The following LRRK1 variants were observed in gnomAD, a reference collection of about 807,000 sequenced individuals.
The protein encoded by LRRK1 is leucine rich repeat kinase 1, also known as leucine-rich repeat serine/threonine-protein kinase 1.
LRRK1 carries 113 observed loss-of-function variants against 209.1 expected under a neutral mutation model. The ratio of observed to expected loss-of-function variants is 0.54; its 90% confidence interval spans 0.46 to 0.63. The LOEUF (loss-of-function observed/expected upper bound fraction) is 0.63. Ranked by LOEUF, LRRK1 falls within the 30% of genes least tolerant of loss-of-function variation. LRRK1 has a pLI of 0.00. For synonymous variants in LRRK1, 1,144 were observed against 1,099.7 expected (o/e 1.04, Z -0.80); for missense variants, 2,284 against 2,632.2 (o/e 0.87, Z 2.89).
intron 5 of LRRK1, 145 bp from the exon 6 acceptor site, chr15:100,989,105 C>T: frequency 1.3e-6 from 1 of 789,604 alleles, no homozygotes. Flanking sequence ...CTAACAGAAA[C>T]TTGATGCACC....
chr15:101,016,621 T>TG (rs1266840468), intron 12 of LRRK1, among the ~76,000 whole-genome samples: 5 of 152,224 alleles, frequency 3.3e-5, no homozygotes, highest in African/African-American at 9.6e-5. Flanking sequence ...ATGAATTTGG[T>TG]GGGGGGCGGG....
Position 101,070,772 on chromosome 15 carries a change from C to T in LRRK1, c.*1924C>T, listed in dbSNP as rs556596864. On this transcript the variant is annotated 3_prime_UTR_variant, in exon 34 of 34. Coordinates refer to ENST00000388948, the MANE Select transcript of LRRK1 (RefSeq NM_024652.6). ...CACACCAGCTTTCTAGCCTGGGTGA[C>T]AGAGCAAGACCCAACTCTTAAAAAA... 1 of 145,880 alleles carries T rather than the reference C, an allele frequency of 6.9e-6. No homozygotes were observed. Among genetic ancestry groups the T allele is most frequent in the South Asian group, 2.2e-4 (1 of 4,650 alleles). 9.0% of individuals were successfully genotyped at this position (145,880 alleles called of 1,614,324 possible).
At chr15:101,053,519 GC>G in intron 26 of LRRK1, 99 bp downstream of exon 26, 1 of 1,090,880 alleles carries the variant, frequency 9.2e-7, no homozygotes, top group Non-Finnish European at 1.3e-6. Context: ...GCCTTGGCAA[GC>G]CCAGGGCACG....
Position 101,030,721 on chromosome 15 carries a change from C to T in LRRK1, c.2963+1489C>T, listed in dbSNP as rs573644158. On this transcript the variant is annotated intron_variant, in intron 20 of 33. Transcript: ENST00000388948. Reference sequence around the variant, plus strand: ...CAATTCTGTTGACAGCCCCTTTCCTCCTTGTGACACCCATACCTGCTTCTG... The same window carrying T: ...CAATTCTGTTGACAGCCCCTTTCCTTCTTGTGACACCCATACCTGCTTCTG... 5.9e-5 allele frequency among the ~76,000 whole-genome samples: 9 copies of T among 152,302 alleles called. No individual in the cohort carries two copies. In the East Asian group the frequency reaches 1.2e-3, roughly 20 times the overall value.
chr15:101,056,780 TC>T, intron 27 of LRRK1, 75 bp from the exon 28 acceptor site: 1 of 1,155,908 alleles, frequency 8.7e-7, no homozygotes, highest in Non-Finnish European at 1.2e-6. Flanking sequence ...GTCTCCCTGG[TC>T]CCTCCACCTG....
intron 31 of LRRK1, chr15:101,065,054 C>T: frequency 9.1e-6 from 4 of 439,874 alleles, no homozygotes; most frequent in Non-Finnish European, 1.2e-5. Context: ...CTGGCAGAAG[C>T]AGAGGCAGCC....
At chr15:100,947,209 G>A (rs113331925) in intron 2 of LRRK1, among the ~76,000 whole-genome samples, 6,066 of 152,006 alleles carry the variant, frequency 0.04, 388 homozygotes, top group African/African-American at 0.14. Flanking sequence ...CGCCCGCCTC[G>A]GCCTCCCAAA....
chr15:100,953,358 A>G (rs1381101778), intron 2 of LRRK1, among the ~76,000 whole-genome samples: 1 of 152,146 alleles, frequency 6.6e-6, no homozygotes, highest in South Asian at 2.1e-4. Flanking sequence ...AAGATTCCAC[A>G]TATAAGTGAG....
intron 2 of LRRK1, among the ~76,000 whole-genome samples, chr15:100,940,232 T>G (rs2141607993): frequency 6.6e-6 from 1 of 152,344 alleles, no homozygotes; most frequent in African/African-American, 2.4e-5. Context: ...ATTTTGTTGT[T>G]GATCAGTCTT....
In LRRK1 at chr15:101,008,860, T is replaced by C. The variant is rs1289923815; in HGVS notation, c.786T>C (p.His262=). The part of the protein sequence containing the change: ...GKTALRVKWS[H]LRLPWVDLDW... ...AGGCTCTCCGTGTGAAATGGTCCCA[T>C]CTCAGACTGCCCTGGGTAGACCTAG... The change falls in exon 7 of 34, where the codon CAT becomes CAC. Residue 262 remains histidine (H), a synonymous_variant. Transcript: ENST00000388948. The C allele has an allele frequency of 1.2e-6, 2 of 1,614,026 alleles. No homozygotes were observed. Among genetic ancestry groups the C allele is most frequent in the Non-Finnish European group, 8.5e-7 (1 of 1,179,964 alleles).
At chr15:101,025,933 A>G (rs1231650929) in intron 16 of LRRK1, 32 bp from the exon 17 acceptor site, 1 of 1,612,224 alleles carries the variant, frequency 6.2e-7, no homozygotes. Context: ...ATGAACAGAG[A>G]CAGTACTCAG....
Position 101,021,952 on chromosome 15 carries a change from A to G in LRRK1, c.1847A>G (p.Lys616Arg). 6.2e-7 allele frequency: 1 copy of G among 1,611,032 alleles called. No homozygotes were observed. The stretch of plus-strand genomic sequence containing the variant: ...AGCAATGTGCCTGCAGAAATCCAAA[A>G]AGAAGGTAGGGCTTCCGCAGCCCTG... ...TISNVPAEIQ[K>R]EGPKAMLSYL... Residue 616 changes from lysine to arginine, a missense_variant, in exon 14 of 34, where the codon AAA (lysine) becomes AGA (arginine). Lys to Arg is a conservative substitution (Grantham distance 26, BLOSUM62 2). Around this residue, in one of 6 missense-constraint regions of LRRK1, gnomAD observed 494 missense variants for 522.1 expected, o/e 0.95. Coordinates refer to ENST00000388948, the MANE Select transcript of LRRK1 (RefSeq NM_024652.6).
rs765382092 is a variant in LRRK1, at chr15:101,024,332, C to T, written c.2068-471C>T. ...AGCCGTTCCCGGCAGCCCAACAGCTCATCTTTTGTTTGATTCCCACAGGGT... is the reference window on the plus strand; with the variant it reads ...AGCCGTTCCCGGCAGCCCAACAGCTTATCTTTTGTTTGATTCCCACAGGGT... On this transcript the variant is annotated intron_variant, in intron 15 of 33. Transcript: ENST00000388948. This position sits in a 1 kb window ranked among gnomAD's most constrained non-coding sequence, Gnocchi z 4.6. Among the ~76,000 whole-genome samples, 23 of 152,318 alleles carry T rather than the reference C, an allele frequency of 1.5e-4. No homozygotes were observed. In the East Asian group the frequency reaches 4.3e-3, roughly 28 times the overall value.
At chr15:101,000,487 T>C (rs1472256297) in intron 6 of LRRK1, among the ~76,000 whole-genome samples, 2 of 152,216 alleles carry the variant, frequency 1.3e-5, no homozygotes, top group Non-Finnish European at 2.9e-5. Flanking sequence ...CTGGGTGGCT[T>C]AACACAACAG....
At chr15:100,973,154 C>A (rs998473501) in intron 2 of LRRK1, among the ~76,000 whole-genome samples, 7 of 152,346 alleles carry the variant, frequency 4.6e-5, no homozygotes, top group South Asian at 2.1e-4. Flanking sequence ...ACGGCCCGGG[C>A]GCTGGGTCGC....
At position 101,026,094 on chromosome 15, in the gene LRRK1, T is replaced by C. The variant is rs752076949; in HGVS notation, c.2362T>C (p.Ser788Pro). The part of the protein sequence containing the change: ...VLALCRSPSG[S>P]RATGFPDITF... ...GGCACTCTGCCGCTCCCCCTCCGGC[T>C]CCAGGGCCACAGGCTTCCCAGACAT... Residue 788 changes from serine to proline, a missense_variant, in exon 17 of 34, where the codon TCC becomes CCC. Physicochemically the swap from Ser to Pro is moderately conservative, Grantham distance 74. Transcript: ENST00000388948. The C allele has an allele frequency of 1.2e-6, 2 of 1,614,230 alleles. No individual in the cohort carries two copies. Among genetic ancestry groups the C allele is most frequent in the Non-Finnish European group, 8.5e-7 (1 of 1,180,036 alleles).
intron 6 of LRRK1, among the ~76,000 whole-genome samples, chr15:100,995,294 T>C (rs1202878168): frequency 1.3e-5 from 2 of 152,170 alleles, no homozygotes; most frequent in East Asian, 3.8e-4. Context: ...CCTCTGCATG[T>C]TTCTGGGCCA....
At chr15:100,988,311 C>G (rs2141669295) in intron 4 of LRRK1, among the ~76,000 whole-genome samples, 1 of 152,228 alleles carries the variant, frequency 6.6e-6, no homozygotes, top group Non-Finnish European at 1.5e-5. Context: ...CCTCCACCAT[C>G]AAGTAGTCCC....
intron 4 of LRRK1, chr15:100,983,950 ATAAT>A (rs1268282757): frequency 1.7e-6 from 1 of 582,656 alleles, no homozygotes; most frequent in Admixed American, 2.3e-5. Flanking sequence ...TTTTAAAAAA[ATAAT>A]TAATAGACCT....
Sources: gnomAD v4.1 joint callset for allele counts (sites outside exome capture counted in the v4.1 genomes callset) on GRCh38, gnomAD v4.1.1 for gene constraint, gnomAD v4.1.1 regional missense constraint, Gnocchi (gnomAD v3.1) non-coding constraint, MANE v1.5 for transcripts, NCBI Gene and HGNC (gene_info 2026-07-23, HGNC 2026-07-21) for gene names.